The following VPS36 variants were observed in gnomAD, a reference collection of about 807,000 sequenced individuals.
VPS36 encodes vacuolar protein-sorting-associated protein 36.
In VPS36, 31 loss-of-function variants were observed where a neutral mutation model predicts 63.5. That is an observed-to-expected ratio of 0.49 (90% CI 0.37 to 0.66). The LOEUF (loss-of-function observed/expected upper bound fraction) is 0.66, where lower values mean the gene tolerates loss of function less well. Among genes scored for constraint, VPS36 ranks in the 30% least tolerant of loss-of-function variants. The pLI is 0.00. For missense variants in VPS36, 338 were observed against 463.7 expected (o/e 0.73, Z 2.49); for synonymous variants, 138 against 157.2 (o/e 0.88, Z 0.91).
intron 6 of VPS36, among the ~76,000 whole-genome samples, chr13:52,432,412 A>T (rs1404423840): frequency 1.3e-5 from 2 of 152,220 alleles, no homozygotes; most frequent in East Asian, 3.8e-4. Flanking sequence ...GTCAAAAGAT[A>T]ATAAGGAAAC....
intron 11 of VPS36, among the ~76,000 whole-genome samples, chr13:52,417,566 G>A (rs965599605): frequency 6.6e-6 from 1 of 152,080 alleles, no homozygotes; most frequent in Non-Finnish European, 1.5e-5. Flanking sequence ...CTCCATGTTG[G>A]TCAGGTTGGT....
intron 10 of VPS36, among the ~76,000 whole-genome samples, chr13:52,421,280 C>G (rs1168390269): frequency 6.6e-6 from 1 of 152,030 alleles, no homozygotes; most frequent in African/African-American, 2.4e-5. Context: ...GCAAGACAAA[C>G]ACCACTTGAT....
chr13:52,432,822 C>T (rs1332228702), intron 6 of VPS36, among the ~76,000 whole-genome samples: 1 of 152,204 alleles, frequency 6.6e-6, no homozygotes, highest in African/African-American at 2.4e-5. Flanking sequence ...GTCAAATGCC[C>T]TTGGTTCCCC....
intron 6 of VPS36, among the ~76,000 whole-genome samples, chr13:52,430,588 C>T (rs764352535): frequency 6.6e-5 from 10 of 151,302 alleles, no homozygotes; most frequent in Non-Finnish European, 1.2e-4. Context: ...GCCAAGATTG[C>T]GCCACTGCAC....
chr13:52,426,110 C>A (rs371044193), intron 8 of VPS36, 44 bp from the exon 9 acceptor site: 1 of 1,599,198 alleles, frequency 6.3e-7, no homozygotes, highest in East Asian at 2.2e-5. Context: ...CTCTCCACCT[C>A]AATATTTGAA....
chr13:52,446,190 C>T (rs552917048), intron 1 of VPS36, among the ~76,000 whole-genome samples: 1 of 150,910 alleles, frequency 6.6e-6, no homozygotes, highest in East Asian at 1.9e-4. Flanking sequence ...CGCTTGAACC[C>T]GGGAAGCAGA....
At chr13:52,421,521 G>GTTT (rs545997400) in intron 10 of VPS36, among the ~76,000 whole-genome samples, 12 of 130,040 alleles carry the variant, frequency 9.2e-5, no homozygotes, top group Non-Finnish European at 1.5e-4. Context: ...TTCTGAGTAG[G>GTTT]TTTTTTTTTT....
At position 52,413,601 on chromosome 13, in the gene VPS36, A is replaced by G. The variant is rs1171099768; in HGVS notation, c.*2229T>C. On this transcript the variant is annotated 3_prime_UTR_variant, in exon 14 of 14. Transcript: ENST00000378060. ...ACAGTCTTCACTAACACAATGTAAA[A>G]AAATTTTTTGACAGTAAATGACCAG... 6.6e-6 allele frequency: 1 copy of G among 152,406 alleles called. No individual in the cohort carries two copies. Among genetic ancestry groups the G allele is most frequent in the Non-Finnish European group, 1.5e-5 (1 of 68,040 alleles). The allele number at this position is 152,406 out of a possible 1,614,324, so 9.4% of individuals were successfully genotyped here.
At chr13:52,433,536 G>C in intron 6 of VPS36, 126 bp downstream of exon 6, 2 of 777,634 alleles carry the variant, frequency 2.6e-6, no homozygotes, top group Non-Finnish European at 4.1e-6. Context: ...AAAGAGAATA[G>C]GAGACTATGT....
chr13:52,426,606 T>C (rs577336594), intron 8 of VPS36, among the ~76,000 whole-genome samples: 14 of 152,186 alleles, frequency 9.2e-5, no homozygotes, highest in Non-Finnish European at 1.8e-4. Flanking sequence ...GGCGTGGTGG[T>C]TCATGCCTGT....
At chr13:52,418,111 A>C (rs1418707447) in intron 10 of VPS36, 55 bp from the exon 11 acceptor site, 5 of 1,421,244 alleles carry the variant, frequency 3.5e-6, no homozygotes, top group Non-Finnish European at 4.9e-6. Context: ...TCACTAAAAC[A>C]GAAGAGTATA....
At chr13:52,433,446 G>A in intron 6 of VPS36, among the ~76,000 whole-genome samples, 1 of 152,222 alleles carries the variant, frequency 6.6e-6, no homozygotes, top group Non-Finnish European at 1.5e-5. Flanking sequence ...TTTTCTAACA[G>A]CAAACAAATT....
intron 1 of VPS36, among the ~76,000 whole-genome samples, chr13:52,445,781 C>CAAA (rs141386443): frequency 8.0e-6 from 1 of 125,336 alleles, no homozygotes; most frequent in Non-Finnish European, 1.6e-5. Context: ...ACTAAAAATA[C>CAAA]AAAAAAAAAA....
intron 1 of VPS36, chr13:52,450,175 G>C: frequency 6.9e-6 from 7 of 1,016,688 alleles, no homozygotes; most frequent in Non-Finnish European, 8.2e-6. Flanking sequence ...CGCAGACGGC[G>C]AGCGCTCCTT....
rs1011258498 is a variant in VPS36 at position 52,413,278 on chromosome 13, G to C, written c.*2552C>G. On this transcript the variant is annotated 3_prime_UTR_variant, in exon 14 of 14. Coordinates refer to ENST00000378060, the MANE Select transcript of VPS36 (RefSeq NM_016075.4). Reference sequence around the variant, plus strand: ...CATTCATCTGAATATACATGGTCAGGTAACAGTGGAATTCACATCAAGAAT... The same window carrying C: ...CATTCATCTGAATATACATGGTCAGCTAACAGTGGAATTCACATCAAGAAT... 1.3e-5 allele frequency: 2 copies of C among 152,178 alleles called. No homozygotes were observed. The highest frequency in any genetic ancestry group is 2.9e-5 in the Non-Finnish European group (2 of 68,034). The allele number at this position is 152,178 out of a possible 1,614,324, so 9.4% of individuals were successfully genotyped here.
chr13:52,433,940 T>C (rs1256684679), intron 5 of VPS36, among the ~76,000 whole-genome samples, 192 bp from the exon 6 acceptor site: 1 of 152,182 alleles, frequency 6.6e-6, no homozygotes, highest in Non-Finnish European at 1.5e-5. Flanking sequence ...GATCTTAAAA[T>C]CATTCAGGAA....
chr13:52,424,678 C>A (rs938097763), intron 9 of VPS36, among the ~76,000 whole-genome samples: 23 of 151,946 alleles, frequency 1.5e-4, no homozygotes, highest in Non-Finnish European at 2.5e-4. Flanking sequence ...TGAAACAGAC[C>A]AACTGTAAGA....
chr13:52,427,525 T>C (rs1958114920), intron 6 of VPS36, among the ~76,000 whole-genome samples: 1 of 152,120 alleles, frequency 6.6e-6, no homozygotes, highest in Non-Finnish European at 1.5e-5. Flanking sequence ...GAGAATGGCG[T>C]TAACCCAGGA....
At chr13:52,450,228 C>T in intron 1 of VPS36, 2 of 1,083,802 alleles carry the variant, frequency 1.8e-6, no homozygotes. Context: ...GCATTCCGGG[C>T]GGAGGGAAGC....
Sources: allele counts gnomAD v4.1 joint callset (sites outside exome capture counted in the v4.1 genomes callset), GRCh38; gene constraint gnomAD v4.1.1; transcripts MANE v1.5; gene names NCBI Gene and HGNC (gene_info 2026-07-23, HGNC 2026-07-21).